The following AGBL3 variants were observed in gnomAD, a reference collection of about 807,000 sequenced individuals.
AGBL3 encodes cytosolic carboxypeptidase 3.
In AGBL3, 68 loss-of-function variants were observed where a neutral mutation model predicts 94.5. That is an observed-to-expected ratio of 0.72 (90% CI 0.59 to 0.88). The LOEUF (loss-of-function observed/expected upper bound fraction) is 0.88. AGBL3 is among the 40% of genes least tolerant of loss of function. The pLI, the probability that AGBL3 is intolerant of heterozygous loss-of-function variation, is 0.00. For missense variants in AGBL3, 934 were observed against 1,103.8 expected (o/e 0.85, Z 2.18); for synonymous variants, 354 against 370.7 (o/e 0.95, Z 0.52).
intron 15 of AGBL3, among the ~76,000 whole-genome samples, chr7:135,103,298 TAG>T (rs1172792807): frequency 5.3e-5 from 8 of 152,200 alleles, no homozygotes; most frequent in Admixed American, 4.6e-4. Context: ...AGCTGAGTGA[TAG>T]GTTTAAGAGG....
Position 135,034,782 on chromosome 7 carries a change from C to A in AGBL3, c.1191C>A (p.Phe397Leu), listed in dbSNP as rs1407831041. ...DAQLLRDTFV[F>L]KVVPMLNPDG... ...AGTTGCTTCGGGACACTTTTGTCTT[C>A]AAGGTGGTACCCATGCTCAATCCAG... Residue 397 changes from phenylalanine (F) to leucine (L), a missense_variant, in exon 7 of 17, where the codon TTC (phenylalanine) becomes TTA (leucine). By Grantham distance (22) the Phe-to-Leu change is conservative (BLOSUM62 0). Transcript: ENST00000436302. The A allele has an allele frequency of 6.4e-7, 1 of 1,552,154 alleles. No individual in the cohort carries two copies. Among genetic ancestry groups the A allele is most frequent in the South Asian group, 1.2e-5 (1 of 84,022 alleles).
intron 15 of AGBL3, among the ~76,000 whole-genome samples, chr7:135,111,696 A>C (rs1585182174): frequency 6.6e-6 from 1 of 152,190 alleles, no homozygotes; most frequent in East Asian, 1.9e-4. Context: ...GCCATTCATG[A>C]AACGTGTTGA....
At chr7:135,096,584 C>CATAG (rs71172496) in intron 15 of AGBL3, among the ~76,000 whole-genome samples, 8,385 of 88,536 alleles carry the variant, frequency 0.095, 503 homozygotes, top group Middle Eastern at 0.11. Flanking sequence ...TAGATAGATA[C>CATAG]ATAGATAGAT....
At chr7:134,993,732 C>T in intron 4 of AGBL3, 54 bp downstream of exon 4, 4 of 1,361,122 alleles carry the variant, frequency 2.9e-6, no homozygotes, top group Non-Finnish European at 3.9e-6. Flanking sequence ...ACTTTGCCAA[C>T]CTTAATTTTA....
intron 15 of AGBL3, among the ~76,000 whole-genome samples, chr7:135,100,826 C>T (rs1823724865): frequency 6.6e-6 from 1 of 151,996 alleles, no homozygotes; most frequent in African/African-American, 2.4e-5. Context: ...AATGCTACAC[C>T]CACCTCTGCC....
At position 135,032,944 on chromosome 7, in the gene AGBL3, A is replaced by G; in HGVS notation, c.519A>G (p.Ala173=). 1.3e-6 allele frequency: 2 copies of G among 1,551,580 alleles called. No individual in the cohort carries two copies. The highest frequency in any genetic ancestry group is 1.7e-6 in the Non-Finnish European group (2 of 1,146,742). ...GTGACAATACTTTGATGTTTGAAGC[A>G]AGGTTTGAGAGTGGTAATCTACAGA... is the stretch of plus-strand genomic sequence containing the variant. ...DYRDNTLMFE[A]RFESGNLQKV... is the part of the protein sequence containing the mutation. The change falls in exon 6 of 17, where the codon GCA becomes GCG. Residue 173 remains alanine, a synonymous_variant. Transcript: ENST00000436302.
intron 15 of AGBL3, among the ~76,000 whole-genome samples, chr7:135,082,318 A>G (rs1041229655): frequency 6.6e-6 from 1 of 152,140 alleles, no homozygotes; most frequent in African/African-American, 2.4e-5. Flanking sequence ...GAAATAATGC[A>G]ATTGTAATAC....
At chr7:135,054,370 A>T (rs766782583) in intron 11 of AGBL3, among the ~76,000 whole-genome samples, 1 of 152,236 alleles carries the variant, frequency 6.6e-6, no homozygotes, top group South Asian at 2.1e-4. Context: ...AATTCCTTTT[A>T]TAGCTGCTGC....
intron 15 of AGBL3, among the ~76,000 whole-genome samples, chr7:135,097,003 T>C (rs1822996184): frequency 6.6e-6 from 1 of 152,138 alleles, no homozygotes; most frequent in South Asian, 2.1e-4. Flanking sequence ...TCTAAATCAA[T>C]TGAAAGTGTT....
chr7:135,099,699 A>T (rs1823472563), intron 15 of AGBL3, among the ~76,000 whole-genome samples: 1 of 152,138 alleles, frequency 6.6e-6, no homozygotes, highest in Non-Finnish European at 1.5e-5. Flanking sequence ...ATTGCTAATC[A>T]GATGTCTCCT....
At chr7:135,051,713 T>G (rs972608636) in intron 11 of AGBL3, among the ~76,000 whole-genome samples, 2 of 152,120 alleles carry the variant, frequency 1.3e-5, no homozygotes, top group African/African-American at 2.4e-5. Context: ...TTCCTTATTT[T>G]TTATACTTGT....
At chr7:135,101,988 G>A (rs1823906099) in intron 15 of AGBL3, among the ~76,000 whole-genome samples, 1 of 152,084 alleles carries the variant, frequency 6.6e-6, no homozygotes, top group South Asian at 2.1e-4. Flanking sequence ...ATTCTCTCTT[G>A]CCTGCTTCCA....
At chr7:135,004,974 C>T (rs1034571973) in intron 4 of AGBL3, among the ~76,000 whole-genome samples, 8 of 151,304 alleles carry the variant, frequency 5.3e-5, no homozygotes, top group African/African-American at 1.9e-4. Context: ...CTTCTTACTT[C>T]CCAGTATTTT....
chr7:135,129,164 C>T lies in AGBL3; in HGVS notation c.2343-5677C>T. 9 of 1,459,688 alleles carry T rather than the reference C, an allele frequency of 6.2e-6. No homozygotes were observed. In the South Asian group the frequency reaches 9.1e-5, roughly 15 times the overall value. 90.4% of individuals were successfully genotyped at this position (1,459,688 alleles called of 1,614,324 possible). On this transcript the variant is annotated intron_variant, in intron 16 of 16. Transcript: ENST00000436302. Reference sequence around the variant, plus strand: ...ATGACTGCCTTCTCCTCCAGTCCACCTTGGACCTGATGGCAGATGTGGTGT... The same window carrying T: ...ATGACTGCCTTCTCCTCCAGTCCACTTTGGACCTGATGGCAGATGTGGTGT...
At chr7:134,996,220 C>A (rs1415702199) in intron 4 of AGBL3, among the ~76,000 whole-genome samples, 1 of 152,100 alleles carries the variant, frequency 6.6e-6, no homozygotes, top group African/African-American at 2.4e-5. Flanking sequence ...ACATAGACTG[C>A]CTGTCTTCAG....
intron 15 of AGBL3, among the ~76,000 whole-genome samples, chr7:135,087,474 AAACTT>A (rs1821422135): frequency 1.3e-5 from 2 of 152,006 alleles, no homozygotes; most frequent in South Asian, 4.1e-4. Flanking sequence ...TTATTGCTAT[AAACTT>A]TCCTCTTAGT....
chr7:135,065,581 A>G (rs7810068), intron 12 of AGBL3, among the ~76,000 whole-genome samples: 141,392 of 152,284 alleles, frequency 0.93, 66,473 homozygotes, highest in Non-Finnish European at 1. Flanking sequence ...AATGAAGAAA[A>G]GATAGTCTCT....
At chr7:135,106,264 G>A (rs531949234) in intron 15 of AGBL3, among the ~76,000 whole-genome samples, 1 of 152,256 alleles carries the variant, frequency 6.6e-6, no homozygotes, top group African/African-American at 2.4e-5. Context: ...CCAATATTAT[G>A]TTGAATAGAA....
At position 134,988,009 on chromosome 7, in the gene AGBL3, C is replaced by A; in HGVS notation, c.63+13C>A. On this transcript the variant is annotated intron_variant, in intron 2 of 16. Transcript: ENST00000436302. ...TGAAGATGAATCGGTATGTTTTTCT[C>A]AACTTTATTTTACTTGGAGATAAAA... 6.6e-7 allele frequency: 1 copy of A among 1,525,238 alleles called. No homozygotes were observed. The highest frequency in any genetic ancestry group is 2.5e-5 in the East Asian group (1 of 40,042). 94.5% of individuals were successfully genotyped at this position (1,525,238 alleles called of 1,614,324 possible).
Sources: gnomAD v4.1 joint callset for allele counts (sites outside exome capture counted in the v4.1 genomes callset) on GRCh38, gnomAD v4.1.1 for gene constraint, MANE v1.5 for transcripts, NCBI Gene and HGNC (gene_info 2026-07-23, HGNC 2026-07-21) for gene names.